Variants in TMEM80 observed in about 807,000 individuals in gnomAD.
TMEM80 encodes the protein transmembrane protein 80.
Under a neutral mutation model 13.6 loss-of-function variants are expected in TMEM80, and 16 were observed. The ratio of observed to expected loss-of-function variants is 1.17; its 90% CI spans 0.79 to 1.78. TMEM80 has a LOEUF of 1.78. Among genes scored for constraint, TMEM80 ranks in the 40% most tolerant of loss-of-function variants. TMEM80 has a pLI of 0.00. For missense variants in TMEM80, 167 were observed against 184.6 expected (o/e 0.90, Z 0.55); for synonymous variants, 92 against 89.5 (o/e 1.03, Z -0.16).
chr11:699,868 T>C, intron 2 of TMEM80: 1 of 437,298 alleles, frequency 2.3e-6, no homozygotes. Flanking sequence ...TGACCAGTCC[T>C]GTCCACAGTC....
Position 703,363 on chromosome 11 carries a change from G to C in TMEM80, c.*213G>C. 7.2e-7 allele frequency: 1 copy of C among 1,394,652 alleles called. No homozygotes were observed. The highest frequency in any genetic ancestry group is 1.8e-5 in the South Asian group (1 of 55,632). The allele number at this position is 1,394,652 out of a possible 1,614,324, so 86.4% of individuals were successfully genotyped here. A position where few individuals can be genotyped will look rare whatever the true frequency, so the allele number is the denominator to read the frequency against. ...GGCCCTGGTGTTGGGAACAGCTGCG[G>C]GGAGGGTAGGGACCAGACAGAACTG... On this transcript the variant is annotated 3_prime_UTR_variant, in exon 5 of 5. Transcript: ENST00000397510.
chr11:704,675 G>A, downstream of TMEM80: 1 of 1,282,396 alleles, frequency 7.8e-7, no homozygotes, highest in Non-Finnish European at 1.0e-6. Context: ...GTCTCAGCGA[G>A]CACACAAAGG....
At chr11:696,672 T>C (rs1370125193) in intron 1 of TMEM80, among the ~76,000 whole-genome samples, 1 of 141,154 alleles carries the variant, frequency 7.1e-6, no homozygotes, top group Non-Finnish European at 1.5e-5. Flanking sequence ...AGGCTGAGGC[T>C]GGCGGATCAC....
chr11:696,762 T>C (rs7107327), intron 1 of TMEM80, among the ~76,000 whole-genome samples: 510 of 3,014 alleles, frequency 0.17, no homozygotes, highest in South Asian at 0.3. Flanking sequence ...CGAGACCCCC[T>C]TCTACAAAAA....
chr11:698,323 C>A (rs1201537222), intron 1 of TMEM80, among the ~76,000 whole-genome samples: 4 of 152,108 alleles, frequency 2.6e-5, no homozygotes, highest in African/African-American at 9.7e-5. Context: ...GGGAGAAGGC[C>A]CAAGAGGTTG....
downstream of TMEM80, chr11:704,393 C>T: frequency 1.7e-6 from 2 of 1,183,988 alleles, no homozygotes; most frequent in South Asian, 1.3e-5. Context: ...GCGGTGGGAG[C>T]ACCCAGTTGT....
chr11:702,837 G>A lies in TMEM80; in HGVS notation c.227-108G>A, dbSNP rs557562564. On this transcript the variant is annotated intron_variant, in intron 4 of 4. Coordinates refer to ENST00000397510, the MANE Select transcript of TMEM80 (RefSeq NM_001042463.3). ...GGAATTCCCCAGGCCCCGGAGGAAC[G>A]TAGGGCAAGGAGCTGCTCTGGTCCC... The A allele has an allele frequency of 6.4e-5, 70 of 1,100,034 alleles. No individual in the cohort carries two copies. In the Admixed American group the frequency reaches 6.4e-4, roughly 10 times the overall value. 68.1% of individuals were successfully genotyped at this position (1,100,034 alleles called of 1,614,324 possible). A position where few individuals can be genotyped will look rare whatever the true frequency, so the allele number is the denominator to read the frequency against.
rs763788883 is a variant in TMEM80 at position 700,597 on chromosome 11, C to G, written c.134-18C>G. 6.2e-7 allele frequency: 1 copy of G among 1,607,940 alleles called. No homozygotes were observed. Among genetic ancestry groups the G allele is most frequent in the Middle Eastern group, 1.7e-4 (1 of 6,022 alleles). ...TGTGCCAGGTTACTTATGTTCCGTC[C>G]GCGCCTCTGCTCTTCAGGTCAGGTG... On this transcript the variant is annotated intron_variant, in intron 3 of 4. Coordinates refer to ENST00000397510, the MANE Select transcript of TMEM80 (RefSeq NM_001042463.3).
In TMEM80 at chr11:703,685, CAGG is replaced by C; in HGVS notation, c.*536_*538del. 8.1e-7 allele frequency: 1 copy of C among 1,232,324 alleles called. No homozygotes were observed. Among genetic ancestry groups the C allele is most frequent in the Non-Finnish European group, 1.0e-6 (1 of 988,384 alleles). 76.3% of individuals were successfully genotyped at this position (1,232,324 alleles called of 1,614,324 possible). A position where few individuals can be genotyped will look rare whatever the true frequency, so the allele number is the denominator to read the frequency against. On this transcript the variant is annotated 3_prime_UTR_variant, in exon 5 of 5. Transcript: ENST00000397510. The stretch of plus-strand genomic sequence containing the variant: ...TCTGAGCAACCCCAGCTCTGCCTCA[CAGG>C]CAGGCAGGCCCGGTGCAAGAGTGGA...
chr11:701,337 T>C (rs1425904797), intron 4 of TMEM80, among the ~76,000 whole-genome samples: 2 of 150,762 alleles, frequency 1.3e-5, no homozygotes, highest in African/African-American at 4.9e-5. Flanking sequence ...TACAGGCACC[T>C]GCCACCACGC....
At chr11:695,691 T>C, upstream of TMEM80, 1 of 1,243,244 alleles carries the variant, frequency 8.0e-7, no homozygotes, top group Non-Finnish European at 1.0e-6. Context: ...GCCTCGGCCG[T>C]GGCTCGGACG....
intron 1 of TMEM80, among the ~76,000 whole-genome samples, chr11:696,956 G>T (rs1427059262): frequency 6.8e-6 from 1 of 145,992 alleles, no homozygotes; most frequent in Non-Finnish European, 1.5e-5. Context: ...GTGCATGCCT[G>T]TAATCCCAGC....
intron 1 of TMEM80, 70 bp downstream of exon 1, chr11:695,916 C>G (rs1861122796): frequency 2.6e-6 from 3 of 1,149,148 alleles, no homozygotes; most frequent in Non-Finnish European, 2.2e-6. Context: ...TGGTGACAAT[C>G]CGGTTTCCGC....
chr11:701,098 A>C, intron 4 of TMEM80: 1 of 237,716 alleles, frequency 4.2e-6, no homozygotes. Context: ...GCCAGGTCCC[A>C]AAAGGCAGCA....
At chr11:698,795 G>C in intron 1 of TMEM80, 74 bp from the exon 2 acceptor site, 1 of 1,563,122 alleles carries the variant, frequency 6.4e-7, no homozygotes, top group Non-Finnish European at 8.8e-7. Context: ...GGTGGTTCCT[G>C]TCAGTGTGGA....
chr11:702,437 G>A (rs908006815), intron 4 of TMEM80, among the ~76,000 whole-genome samples: 8 of 152,360 alleles, frequency 5.3e-5, no homozygotes, highest in East Asian at 3.9e-4. Flanking sequence ...CTCCCCAAGC[G>A]CGCCGCACAC....
In TMEM80 at chr11:700,636, A is replaced by G; in HGVS notation, c.155A>G (p.His52Arg). The change falls in exon 4 of 5, where the codon CAC becomes CGC. Residue 52 changes from histidine to arginine, a missense_variant. His to Arg is a conservative substitution (Grantham distance 29, BLOSUM62 0). Transcript: ENST00000397510. The stretch of plus-strand genomic sequence containing the variant: ...TCAGGTCAGGTGTTCAGCTATCCTC[A>G]CCGCTACCTGGTCCTCGATCTTGCT... ...TYKSQVFSYP[H>R]RYLVLDLALL... 1 of 1,613,780 alleles carries G rather than the reference A, an allele frequency of 6.2e-7. No homozygotes were observed. Among genetic ancestry groups the G allele is most frequent in the Non-Finnish European group, 8.5e-7 (1 of 1,179,974 alleles).
downstream of TMEM80, chr11:704,385 G>A (rs1861629747): frequency 1.0e-5 from 12 of 1,154,388 alleles, no homozygotes; most frequent in South Asian, 5.1e-5. Context: ...TCGTGGAAGC[G>A]GTGGGAGCAC....
intron 1 of TMEM80, among the ~76,000 whole-genome samples, chr11:696,424 A>G (rs1861161954): frequency 6.6e-6 from 1 of 152,022 alleles, no homozygotes; most frequent in Non-Finnish European, 1.5e-5. Flanking sequence ...AAGAATGGCT[A>G]CTCCATAGGC....
Sources: gnomAD v4.1 joint callset for allele counts (sites outside exome capture counted in the v4.1 genomes callset) on GRCh38, gnomAD v4.1.1 for gene constraint, MANE v1.5 for transcripts, NCBI Gene and HGNC (gene_info 2026-07-23, HGNC 2026-07-21) for gene names.